Variants in EXOC6B observed in about 807,000 individuals in gnomAD.
The protein encoded by EXOC6B is exocyst complex component 6B.
Under a neutral mutation model 113.5 loss-of-function variants are expected in EXOC6B, and 54 were observed. The observed-to-expected ratio is 0.48, with a 90% CI of 0.38 to 0.60. The LOEUF is 0.60. Among genes scored for constraint, EXOC6B ranks in the 20% least tolerant of loss-of-function variants. The probability of loss-of-function intolerance (pLI) is 0.00; values close to 1 mark genes in which losing one functional copy is unlikely to be tolerated. For synonymous variants in EXOC6B, 357 were observed against 339.0 expected, an observed-to-expected ratio of 1.05 and a Z score of -0.58; for missense variants, 797 against 977.5, an observed-to-expected ratio of 0.82 and a Z score of 2.46.
Position 72,376,110 on chromosome 2 carries a change from GA to G in EXOC6B, c.2122+3618del, listed in dbSNP as rs368007270. On this transcript the variant is annotated intron_variant, in intron 19 of 21. Coordinates refer to ENST00000272427, the MANE Select transcript of EXOC6B (RefSeq NM_015189.3). ...TTAATGAAGTAGTCTCAAGGTTCTA[GA>G]AAAAAAAAATGTGTTAAGGAAGATA... Among the ~76,000 whole-genome samples the G allele has an allele frequency of 5.1e-3, 750 of 148,306 alleles. 9 individuals carry two copies. The highest frequency in any genetic ancestry group is 0.017 in the African/African-American group (692 of 40,598).
At chr2:72,359,120 T>C (rs1690146944) in intron 19 of EXOC6B, among the ~76,000 whole-genome samples, 1 of 152,198 alleles carries the variant, frequency 6.6e-6, no homozygotes, top group African/African-American at 2.4e-5. Flanking sequence ...ATATTTAAAA[T>C]AAGCCCTTCT....
chr2:72,434,136 GC>G (rs1314493270), intron 18 of EXOC6B, among the ~76,000 whole-genome samples: 1 of 152,072 alleles, frequency 6.6e-6, no homozygotes, highest in Non-Finnish European at 1.5e-5. Context: ...TTTATCGAAG[GC>G]CTTTTCTGCA....
chr2:72,337,186 T>C (rs970608925), intron 19 of EXOC6B, among the ~76,000 whole-genome samples: 12 of 152,186 alleles, frequency 7.9e-5, no homozygotes, highest in African/African-American at 1.4e-4. Context: ...CTCCTGTTAA[T>C]AGCAATTCTT....
chr2:72,428,622 G>A (rs1695344197), intron 18 of EXOC6B, among the ~76,000 whole-genome samples: 2 of 152,222 alleles, frequency 1.3e-5, no homozygotes, highest in South Asian at 2.1e-4. Context: ...CATGAGAAGA[G>A]CGCAGCCTAC....
chr2:72,577,992 G>T (rs900350405), intron 6 of EXOC6B, among the ~76,000 whole-genome samples: 2 of 152,004 alleles, frequency 1.3e-5, no homozygotes, highest in Admixed American at 1.3e-4. Flanking sequence ...TCTTTCTCAA[G>T]AGTACTTCAT....
At chr2:72,500,987 T>A (rs1392782254) in intron 11 of EXOC6B, among the ~76,000 whole-genome samples, 2 of 152,142 alleles carry the variant, frequency 1.3e-5, no homozygotes, top group African/African-American at 4.8e-5. Context: ...CAAATATCCA[T>A]CTCCTATCCC....
chr2:72,575,302 A>C (rs1174951950), intron 7 of EXOC6B, among the ~76,000 whole-genome samples, 190 bp downstream of exon 7: 2 of 152,198 alleles, frequency 1.3e-5, no homozygotes, highest in Non-Finnish European at 2.9e-5. Flanking sequence ...TTCTCAAAAA[A>C]GAATCAGGAT....
At chr2:72,610,961 G>A (rs1019896070) in intron 6 of EXOC6B, among the ~76,000 whole-genome samples, 3 of 152,036 alleles carry the variant, frequency 2.0e-5, no homozygotes, top group Non-Finnish European at 4.4e-5. Context: ...TGATTAAAAG[G>A]GCACTTCATT....
At chr2:72,584,173 G>A (rs76498292) in intron 6 of EXOC6B, among the ~76,000 whole-genome samples, 3,609 of 151,898 alleles carry the variant, frequency 0.024, 168 homozygotes, top group African/African-American at 0.083. Flanking sequence ...CTTTGAATAT[G>A]AAGTCTAAAT....
At chr2:72,682,053 T>G (rs1030066010) in intron 6 of EXOC6B, among the ~76,000 whole-genome samples, 4 of 150,408 alleles carry the variant, frequency 2.7e-5, no homozygotes, top group African/African-American at 9.7e-5. Flanking sequence ...CTCAGAAGGC[T>G]TTAAATCATG....
intron 20 of EXOC6B, among the ~76,000 whole-genome samples, chr2:72,270,515 G>A (rs1231229610): frequency 2.0e-5 from 3 of 152,082 alleles, no homozygotes; most frequent in Non-Finnish European, 4.4e-5. Context: ...TAACTTTGAA[G>A]AAACCTTCAG....
intron 6 of EXOC6B, among the ~76,000 whole-genome samples, chr2:72,617,442 C>A (rs1444448129): frequency 6.6e-6 from 1 of 151,890 alleles, no homozygotes; most frequent in African/African-American, 2.4e-5. Flanking sequence ...CAGCAAACTT[C>A]TGCCTGGGCA....
rs1303647326 is a variant in EXOC6B at position 72,356,854 on chromosome 2, C to G, written c.2123-21834G>C. ...TATCGCTGCCCTTGCATTGTGGGGCCATTATTGGTGTAAAATAAGAGTCAC... is the reference window on the plus strand; with the variant it reads ...TATCGCTGCCCTTGCATTGTGGGGCGATTATTGGTGTAAAATAAGAGTCAC... On this transcript the variant is annotated intron_variant, in intron 19 of 21. Transcript: ENST00000272427. Among the ~76,000 whole-genome samples, 3 of 152,078 alleles carry G rather than the reference C, an allele frequency of 2.0e-5. No homozygotes were observed. The East Asian group carries it at 5.8e-4, about 29-fold the overall frequency.
intron 6 of EXOC6B, among the ~76,000 whole-genome samples, chr2:72,701,718 A>G (rs1678359368): frequency 6.6e-6 from 1 of 152,134 alleles, no homozygotes; most frequent in Non-Finnish European, 1.5e-5. Context: ...CTACTTTGTC[A>G]CCTAGTATTC....
intron 18 of EXOC6B, among the ~76,000 whole-genome samples, chr2:72,442,031 C>T (rs755307208): frequency 2.9e-4 from 44 of 152,118 alleles, no homozygotes; most frequent in African/African-American, 4.1e-4. Flanking sequence ...AATCGAGCAG[C>T]GCATCAAAAA....
intron 6 of EXOC6B, among the ~76,000 whole-genome samples, chr2:72,702,076 A>T (rs1351859755): frequency 1.5e-5 from 1 of 64,984 alleles, no homozygotes. Context: ...CCCCCCTCCC[A>T]CCACCCCACA....
rs540141504 is a variant in EXOC6B at position 72,566,578 on chromosome 2, GT to G, written c.847-7058del. 3.3e-5 allele frequency among the ~76,000 whole-genome samples: 5 copies of G among 151,292 alleles called. No individual in the cohort carries two copies. In the South Asian group the frequency reaches 1.1e-3, roughly 33 times the overall value. The stretch of plus-strand genomic sequence containing the variant: ...TATATATGACCACTCCTGGCTGTAT[GT>G]TCAACATTATAATAAACTGCTAAAC... On this transcript the variant is annotated intron_variant, in intron 7 of 21. Coordinates refer to ENST00000272427, the MANE Select transcript of EXOC6B (RefSeq NM_015189.3).
At chr2:72,560,603 CA>C (rs1703835569) in intron 7 of EXOC6B, among the ~76,000 whole-genome samples, 1 of 151,982 alleles carries the variant, frequency 6.6e-6, no homozygotes. Context: ...AATTCAACAG[CA>C]CAACACCTAT....
intron 20 of EXOC6B, among the ~76,000 whole-genome samples, chr2:72,252,475 AAAAC>A (rs532885036): frequency 1.0e-3 from 155 of 152,252 alleles, no homozygotes; most frequent in African/African-American, 3.6e-3. Flanking sequence ...TCTGTCACAA[AAAAC>A]AAACAAACAA....
Sources: allele counts gnomAD v4.1 joint callset (sites outside exome capture counted in the v4.1 genomes callset), GRCh38; gene constraint gnomAD v4.1.1; transcripts MANE v1.5; gene names NCBI Gene and HGNC (gene_info 2026-07-23, HGNC 2026-07-21).